Variants in NXPH2 observed in about 807,000 individuals in gnomAD.
The protein encoded by NXPH2 is neurexophilin-2.
A neutral mutation model predicts 19.8 loss-of-function variants in NXPH2; 5 were observed. The observed-to-expected ratio is 0.25, with a 90% CI of 0.13 to 0.53. The LOEUF is 0.53. Among genes scored for constraint, NXPH2 ranks in the 20% least tolerant of loss-of-function variants. The probability of loss-of-function intolerance (pLI) is 0.96; values close to 1 mark genes in which losing one functional copy is unlikely to be tolerated. For synonymous variants in NXPH2, 154 were observed against 127.4 expected (o/e 1.21, Z -1.41); for missense variants, 289 against 322.8 (o/e 0.90, Z 0.80).
intron 1 of NXPH2, among the ~76,000 whole-genome samples, chr2:138,757,813 T>TC (rs1681937733): frequency 6.8e-6 from 1 of 147,488 alleles, no homozygotes; most frequent in African/African-American, 2.5e-5. Flanking sequence ...GTGTGTTTCT[T>TC]TATCTATCTA....
intron 1 of NXPH2, among the ~76,000 whole-genome samples, chr2:138,748,944 C>T (rs1681784623): frequency 6.6e-6 from 1 of 152,180 alleles, no homozygotes; most frequent in Non-Finnish European, 1.5e-5. Context: ...TTTTTCACTA[C>T]TGCTCTTACC....
intron 1 of NXPH2, among the ~76,000 whole-genome samples, chr2:138,683,488 A>C (rs1680606810): frequency 6.6e-6 from 1 of 152,208 alleles, no homozygotes; most frequent in Non-Finnish European, 1.5e-5. Context: ...GGAGACGTAT[A>C]CAGGGGAGGA....
intron 1 of NXPH2, among the ~76,000 whole-genome samples, chr2:138,673,441 A>T (rs1237661399): frequency 6.6e-6 from 1 of 152,164 alleles, no homozygotes; most frequent in East Asian, 1.9e-4. Flanking sequence ...ATACATGCAT[A>T]AAATGTGTAA....
chr2:138,698,710 C>T (rs369499254), intron 1 of NXPH2, among the ~76,000 whole-genome samples: 22 of 152,080 alleles, frequency 1.4e-4, no homozygotes. Flanking sequence ...ACAAATTAGC[C>T]GGGTGTGGTG....
In NXPH2 at chr2:138,670,789, T is replaced by C. The variant is rs1489851578; in HGVS notation, c.*133A>G. 4.2e-6 allele frequency: 4 copies of C among 945,760 alleles called. No individual in the cohort carries two copies. The highest frequency in any genetic ancestry group is 4.5e-6 in the Non-Finnish European group (3 of 673,236). The allele number at this position is 945,760 out of a possible 1,614,324, so 58.6% of individuals were successfully genotyped here. On this transcript the variant is annotated 3_prime_UTR_variant, in exon 2 of 2. Transcript: ENST00000272641. ...GATGTCTCTTTTTCTTTTTTTAAAT[T>C]TGAAAACCTGATAGGGAACTATTGT...
intron 1 of NXPH2, among the ~76,000 whole-genome samples, chr2:138,768,442 A>G (rs1032713649): frequency 3.3e-5 from 5 of 152,206 alleles, no homozygotes; most frequent in African/African-American, 4.8e-5. Context: ...ACTCTTCATC[A>G]AAGTGCCCTG....
At chr2:138,690,680 G>C (rs1036819310) in intron 1 of NXPH2, among the ~76,000 whole-genome samples, 3 of 151,984 alleles carry the variant, frequency 2.0e-5, no homozygotes, top group African/African-American at 7.2e-5. Context: ...TAGGCTGCAA[G>C]TTACTTACAG....
chr2:138,710,465 AGCTCTTAGAGAAACC>A (rs1335851896), intron 1 of NXPH2, among the ~76,000 whole-genome samples: 2 of 152,150 alleles, frequency 1.3e-5, no homozygotes, highest in African/African-American at 4.8e-5. Context: ...TTCTATGTTT[AGCTCTTAGAGAAACC>A]GCCAAACTTT....
chr2:138,670,143 G>A lies in NXPH2; in HGVS notation c.*779C>T, dbSNP rs1229253418. Reference sequence around the variant, plus strand: ...ATGCATACAAATTTTGTCATTTTTTGATTAATTCCACAGCATTTGAATTTA... The same window carrying A: ...ATGCATACAAATTTTGTCATTTTTTAATTAATTCCACAGCATTTGAATTTA... On this transcript the variant is annotated 3_prime_UTR_variant, in exon 2 of 2. Transcript: ENST00000272641. Among the ~76,000 whole-genome samples the A allele has an allele frequency of 6.6e-6, 1 of 152,132 alleles. No individual in the cohort carries two copies. Among genetic ancestry groups the A allele is most frequent in the Non-Finnish European group, 1.5e-5 (1 of 68,010 alleles).
intron 1 of NXPH2, among the ~76,000 whole-genome samples, chr2:138,749,321 C>A (rs1329226424): frequency 6.6e-6 from 1 of 152,108 alleles, no homozygotes; most frequent in Non-Finnish European, 1.5e-5. Context: ...TCAATTAAAC[C>A]TCTTTCCTTG....
chr2:138,670,706 AGT>A lies in NXPH2; in HGVS notation c.*214_*215del. On this transcript the variant is annotated 3_prime_UTR_variant, in exon 2 of 2. Coordinates refer to ENST00000272641, the MANE Select transcript of NXPH2 (RefSeq NM_007226.3). ...GCATGAAAGTGATGGTTTCATAAAC[AGT>A]TTAACTTTTTAGATAAAGGTACCTA... The A allele has an allele frequency of 2.2e-6, 1 of 460,192 alleles. No homozygotes were observed. Among genetic ancestry groups the A allele is most frequent in the South Asian group, 4.5e-5 (1 of 22,046 alleles). The allele number at this position is 460,192 out of a possible 1,614,324, so 28.5% of individuals were successfully genotyped here. A position where few individuals can be genotyped will look rare whatever the true frequency, so the allele number is the denominator to read the frequency against.
At chr2:138,773,237 C>T (rs1336941843) in intron 1 of NXPH2, among the ~76,000 whole-genome samples, 1 of 152,212 alleles carries the variant, frequency 6.6e-6, no homozygotes, top group Non-Finnish European at 1.5e-5. Flanking sequence ...GAGTCAGCAA[C>T]ACAGGAGCAA....
chr2:138,685,287 T>A lies in NXPH2; in HGVS notation c.52-13622A>T, dbSNP rs1303912382. 5.9e-5 allele frequency among the ~76,000 whole-genome samples: 9 copies of A among 152,328 alleles called. No individual in the cohort carries two copies. The East Asian group carries it at 1.5e-3, about 26-fold the overall frequency. On this transcript the variant is annotated intron_variant, in intron 1 of 1. Coordinates refer to ENST00000272641, the MANE Select transcript of NXPH2 (RefSeq NM_007226.3). ...CAATCCCTATAATCATGTGAGCCAA[T>A]TCCTTGAAATACAGCTCTTGAGATA... is the stretch of plus-strand genomic sequence containing the variant.
intron 1 of NXPH2, among the ~76,000 whole-genome samples, chr2:138,741,570 T>C (rs1386760815): frequency 6.6e-6 from 1 of 152,188 alleles, no homozygotes; most frequent in Non-Finnish European, 1.5e-5. Flanking sequence ...AGGGATGTAA[T>C]TTCCCTGTCT....
intron 1 of NXPH2, among the ~76,000 whole-genome samples, chr2:138,766,891 A>G (rs993393919): frequency 3.9e-5 from 6 of 152,224 alleles, no homozygotes; most frequent in African/African-American, 1.4e-4. Flanking sequence ...AAGTAAACAA[A>G]GATGCATACT....
In NXPH2 at chr2:138,744,186, A is replaced by G. The variant is rs375814253; in HGVS notation, c.51+36005T>C. 3.3e-5 allele frequency among the ~76,000 whole-genome samples: 5 copies of G among 152,222 alleles called. No homozygotes were observed. In the South Asian group the frequency reaches 1.0e-3, roughly 32 times the overall value. ...GTGTTTTCAGTAGGTATAATGTTAT[A>G]TGGATTTGTCTATTACACTGTACTT... On this transcript the variant is annotated intron_variant, in intron 1 of 1. Coordinates refer to ENST00000272641, the MANE Select transcript of NXPH2 (RefSeq NM_007226.3).
intron 1 of NXPH2, among the ~76,000 whole-genome samples, chr2:138,747,502 C>T (rs894504878): frequency 1.3e-5 from 2 of 152,152 alleles, no homozygotes; most frequent in Admixed American, 1.3e-4. Flanking sequence ...TGTGACCTGT[C>T]CCCTCCCATG....
At chr2:138,729,942 A>G (rs1330702567) in intron 1 of NXPH2, among the ~76,000 whole-genome samples, 1 of 152,192 alleles carries the variant, frequency 6.6e-6, no homozygotes, top group African/African-American at 2.4e-5. Context: ...CTTAAACAAC[A>G]GACATTTATT....
At chr2:138,705,044 C>G (rs2104984378) in intron 1 of NXPH2, among the ~76,000 whole-genome samples, 1 of 152,218 alleles carries the variant, frequency 6.6e-6, no homozygotes, top group East Asian at 1.9e-4. Flanking sequence ...CCAGGCTGGT[C>G]TCAAACTCCT....
Sources: gnomAD v4.1 joint callset for allele counts (sites outside exome capture counted in the v4.1 genomes callset) on GRCh38, gnomAD v4.1.1 for gene constraint, MANE v1.5 for transcripts, NCBI Gene and HGNC (gene_info 2026-07-23, HGNC 2026-07-21) for gene names.